Variants in VAMP7 observed in about 807,000 individuals in gnomAD.
The protein encoded by VAMP7 is vesicle-associated membrane protein 7.
A neutral mutation model predicts 29.6 loss-of-function variants in VAMP7; 14 were observed. The observed-to-expected ratio is 0.47, with a 90% CI of 0.31 to 0.74. The LOEUF is 0.74. VAMP7 is among the 30% of genes least tolerant of loss of function. VAMP7 has a pLI of 0.05. For synonymous variants in VAMP7, 95 were observed against 88.1 expected, an observed-to-expected ratio of 1.08 and a Z score of -0.44; for missense variants, 223 against 262.4, an observed-to-expected ratio of 0.85 and a Z score of 1.04.
chrX:155,934,358 G>C (rs1244520379), intron 6 of VAMP7, among the ~76,000 whole-genome samples: 1 of 152,072 alleles, frequency 6.6e-6, no homozygotes, highest in Non-Finnish European at 1.5e-5. Flanking sequence ...GGTCTCTAAG[G>C]ACTTGCTTTA....
intron 6 of VAMP7, among the ~76,000 whole-genome samples, chrX:155,924,240 C>T (rs1316627233): frequency 6.6e-6 from 1 of 152,126 alleles, no homozygotes; most frequent in Non-Finnish European, 1.5e-5. Flanking sequence ...TTAAAGGGTA[C>T]ACTTCAGTGG....
intron 5 of VAMP7, among the ~76,000 whole-genome samples, chrX:155,912,017 G>T (rs1214688097): frequency 2.6e-5 from 4 of 151,958 alleles, no homozygotes; most frequent in Non-Finnish European, 5.9e-5. Flanking sequence ...AGTGAAACTG[G>T]GCTTCCTTCC....
At chrX:155,904,907 TA>T (rs2066126776) in intron 5 of VAMP7, among the ~76,000 whole-genome samples, 3 of 19,176 alleles carry the variant, frequency 1.6e-4, no homozygotes, top group African/African-American at 4.2e-4. Context: ...TATTATATAT[TA>T]TATATATATA....
chrX:155,931,847 C>T (rs1162817842), intron 6 of VAMP7, among the ~76,000 whole-genome samples: 2 of 152,134 alleles, frequency 1.3e-5, no homozygotes, highest in East Asian at 1.9e-4. Flanking sequence ...TTAGGTCTAA[C>T]ATTTAAGTCT....
chrX:155,908,175 G>T (rs2066177720), intron 5 of VAMP7, among the ~76,000 whole-genome samples: 1 of 152,246 alleles, frequency 6.6e-6, no homozygotes, highest in Non-Finnish European at 1.5e-5. Context: ...GGCAGAGGCT[G>T]CAATCTCGGC....
intron 5 of VAMP7, among the ~76,000 whole-genome samples, chrX:155,906,709 A>C (rs1225999996): frequency 6.6e-6 from 1 of 152,038 alleles, no homozygotes; most frequent in African/African-American, 2.4e-5. Context: ...ATAGCTTTTT[A>C]ATAGTTTCCT....
intron 3 of VAMP7, 43 bp downstream of exon 3, chrX:155,895,723 G>A (rs779760417): frequency 6.5e-7 from 1 of 1,544,104 alleles, no homozygotes. Flanking sequence ...TATGTGTACT[G>A]TTAATACAGC....
At chrX:155,935,952 T>C (rs2066646913) in intron 6 of VAMP7, among the ~76,000 whole-genome samples, 1 of 152,168 alleles carries the variant, frequency 6.6e-6, no homozygotes, top group Non-Finnish European at 1.5e-5. Context: ...TGTTGGAGTT[T>C]GTCGGAGGGC....
chrX:155,917,385 C>G (rs1214602911), intron 5 of VAMP7, among the ~76,000 whole-genome samples: 7 of 152,008 alleles, frequency 4.6e-5, no homozygotes, highest in Admixed American at 4.6e-4. Flanking sequence ...ATTCTCCGTC[C>G]AGTTTGTTCT....
chrX:155,935,804 G>T (rs2066643545), intron 6 of VAMP7, among the ~76,000 whole-genome samples: 1 of 152,090 alleles, frequency 6.6e-6, no homozygotes, highest in South Asian at 2.1e-4. Flanking sequence ...CAGTTTTTCT[G>T]CTGTTTTTTT....
At chrX:155,896,756 A>C (rs1463542049) in intron 3 of VAMP7, among the ~76,000 whole-genome samples, 1 of 152,148 alleles carries the variant, frequency 6.6e-6, no homozygotes, top group Non-Finnish European at 1.5e-5. Flanking sequence ...GCTCATTTCT[A>C]AACTGCCTAC....
At chrX:155,934,360 C>T (rs1166490783) in intron 6 of VAMP7, among the ~76,000 whole-genome samples, 1 of 152,110 alleles carries the variant, frequency 6.6e-6, no homozygotes, top group African/African-American at 2.4e-5. Flanking sequence ...TCTCTAAGGA[C>T]TTGCTTTATG....
At chrX:155,939,091 GA>G (rs2066705282) in intron 6 of VAMP7, among the ~76,000 whole-genome samples, 1 of 646 alleles carries the variant, frequency 1.5e-3, no homozygotes, top group African/African-American at 6.3e-3. Context: ...ACATCTGTGG[GA>G]CCATACCAGA....
chrX:155,909,981 TATATA>T (rs2066213588), intron 5 of VAMP7, among the ~76,000 whole-genome samples: 1 of 151,856 alleles, frequency 6.6e-6, no homozygotes. Flanking sequence ...TATTTTGAAA[TATATA>T]ATACACTATT....
rs1373135535 is a variant in VAMP7 at position 155,930,689 on chromosome X, AT to A, written c.502-9006del. The stretch of plus-strand genomic sequence containing the variant: ...ATTTTTTTTCTTTTAATTCTTTTTT[AT>A]TTTTTATTTTTTTTATAAATATATA... On this transcript the variant is annotated intron_variant, in intron 6 of 7. Coordinates refer to ENST00000286448, the MANE Select transcript of VAMP7 (RefSeq NM_005638.6). 2.3e-3 allele frequency among the ~76,000 whole-genome samples: 341 copies of A among 149,136 alleles called. 2 individuals carry two copies. Among genetic ancestry groups the A allele is most frequent in the African/African-American group, 8.2e-3 (333 of 40,744 alleles).
At chrX:155,940,574 T>C (rs1467006345) in intron 7 of VAMP7, among the ~76,000 whole-genome samples, 2 of 152,180 alleles carry the variant, frequency 1.3e-5, no homozygotes, top group African/African-American at 4.8e-5. Flanking sequence ...GAGTTTAGGT[T>C]GATTTGTGCA....
chrX:155,917,849 G>A (rs1377735081), intron 5 of VAMP7, among the ~76,000 whole-genome samples: 6 of 152,242 alleles, frequency 3.9e-5, no homozygotes, highest in East Asian at 1.9e-4. Flanking sequence ...TGGGATTGCC[G>A]CTGCTCTCTT....
rs763087068 is a variant in VAMP7, at chrX:155,917,846, G to A, written c.434-1967G>A. On this transcript the variant is annotated intron_variant, in intron 5 of 7. Transcript: ENST00000286448. ...AGAGCTTGAGCACTGTGCTGGGATT[G>A]CCGCTGCTCTCTTCCGAACTGGCAG... Among the ~76,000 whole-genome samples, 6 of 152,264 alleles carry A rather than the reference G, an allele frequency of 3.9e-5. No individual in the cohort carries two copies. In the East Asian group the frequency reaches 1.2e-3, roughly 29 times the overall value.
intron 1 of VAMP7, among the ~76,000 whole-genome samples, chrX:155,887,732 C>T (rs183363266): frequency 6.0e-4 from 91 of 151,832 alleles, no homozygotes; most frequent in Non-Finnish European, 1.1e-3. Context: ...AGTTCAAGAC[C>T]AGCCTGGGTG....
Sources: allele counts gnomAD v4.1 joint callset (sites outside exome capture counted in the v4.1 genomes callset), GRCh38; gene constraint gnomAD v4.1.1; transcripts MANE v1.5; gene names NCBI Gene and HGNC (gene_info 2026-07-23, HGNC 2026-07-21).